The following OPCML variants were observed in gnomAD, a reference collection of about 807,000 sequenced individuals.
OPCML encodes the protein opioid-binding protein/cell adhesion molecule.
A neutral mutation model predicts 37.8 loss-of-function variants in OPCML; 13 were observed. That is an observed-to-expected ratio of 0.34 (90% CI 0.22 to 0.55). The LOEUF is 0.55. OPCML is among the 20% of genes least tolerant of loss of function. The pLI is 0.91. For synonymous variants in OPCML, 176 were observed against 168.8 expected (o/e 1.04, Z -0.33); for missense variants, 341 against 435.6 (o/e 0.78, Z 1.93).
intron 2 of OPCML, among the ~76,000 whole-genome samples, chr11:132,931,010 T>G (rs1945180497): frequency 6.6e-6 from 1 of 152,118 alleles, no homozygotes; most frequent in Non-Finnish European, 1.5e-5. Flanking sequence ...AAATAAGCCC[T>G]TGAATACATG....
chr11:133,492,287 C>G (rs1365710575), intron 1 of OPCML, among the ~76,000 whole-genome samples: 2 of 152,196 alleles, frequency 1.3e-5, no homozygotes. Context: ...GGATCCATTT[C>G]ACAAACATGT....
rs2095953366 is a variant in OPCML at position 132,420,257 on chromosome 11, G to C, written c.953C>G (p.Ser318Cys). 18 of 1,613,784 alleles carry C rather than the reference G, an allele frequency of 1.1e-5. No homozygotes were observed. Among genetic ancestry groups the C allele is most frequent in the Non-Finnish European group, 1.4e-5 (17 of 1,179,850 alleles). Residue 318 changes from serine (S) to cysteine (C), a missense_variant, in exon 8 of 8, where the codon TCC (serine) becomes TGC (cysteine). Transcript: ENST00000524381. ...TAGCCAGAGACAAGCCAGTGCTCTG[G>C]AGGCCGAGTTTACACCATCAATGAC... ...GAVIDGVNSASRALACLWLSG... is the reference protein window; with the variant it reads ...GAVIDGVNSACRALACLWLSG...
chr11:132,994,200 G>T (rs1315050726), intron 1 of OPCML, among the ~76,000 whole-genome samples: 1 of 152,096 alleles, frequency 6.6e-6, no homozygotes, highest in African/African-American at 2.4e-5. Context: ...GGGAGTCCCC[G>T]CGCCGCAGCG....
intron 2 of OPCML, among the ~76,000 whole-genome samples, chr11:132,797,263 T>C (rs1938380326): frequency 6.6e-6 from 1 of 152,254 alleles, no homozygotes; most frequent in Non-Finnish European, 1.5e-5. Flanking sequence ...CTGTGATCCA[T>C]GTTGGATTAA....
At chr11:133,149,578 CCACCCG>C (rs1189405542) in intron 1 of OPCML, among the ~76,000 whole-genome samples, 1 of 152,186 alleles carries the variant, frequency 6.6e-6, no homozygotes, top group East Asian at 1.9e-4. Context: ...CTCTCAACCC[CCACCCG>C]CACGCTTGAT....
intron 1 of OPCML, among the ~76,000 whole-genome samples, chr11:133,521,196 G>A (rs570607691): frequency 1.3e-5 from 2 of 152,242 alleles, no homozygotes; most frequent in South Asian, 4.2e-4. Context: ...GTCCACTTGC[G>A]AATTAGGCAA....
chr11:133,245,736 G>A (rs1040200892), intron 1 of OPCML, among the ~76,000 whole-genome samples: 1 of 152,134 alleles, frequency 6.6e-6, no homozygotes, highest in South Asian at 2.1e-4. Flanking sequence ...ATTAATGATA[G>A]ACTGGATAAA....
intron 1 of OPCML, among the ~76,000 whole-genome samples, chr11:133,391,824 A>C (rs571516638): frequency 6.6e-6 from 1 of 152,190 alleles, no homozygotes; most frequent in Non-Finnish European, 1.5e-5. Context: ...CATTCCAATC[A>C]ATCTGAGAGT....
chr11:132,825,830 G>T (rs1940287740), intron 2 of OPCML, among the ~76,000 whole-genome samples: 1 of 152,222 alleles, frequency 6.6e-6, no homozygotes, highest in Admixed American at 6.5e-5. Flanking sequence ...TGGGTTGGGA[G>T]TCCTAGAAAC....
At chr11:133,485,584 C>T (rs970331241) in intron 1 of OPCML, among the ~76,000 whole-genome samples, 3 of 152,150 alleles carry the variant, frequency 2.0e-5, no homozygotes, top group Admixed American at 1.3e-4. Flanking sequence ...CATAACATTA[C>T]AAGCAAACTG....
chr11:132,963,510 T>TGGAGGCAGGA (rs1946139727), intron 1 of OPCML, among the ~76,000 whole-genome samples: 1 of 151,304 alleles, frequency 6.6e-6, no homozygotes, highest in Non-Finnish European at 1.5e-5. Flanking sequence ...GAGAATCGCT[T>TGGAGGCAGGA]GAACCCAGGA....
At chr11:133,002,691 T>A (rs1313104355) in intron 1 of OPCML, among the ~76,000 whole-genome samples, 1 of 151,484 alleles carries the variant, frequency 6.6e-6, no homozygotes. Flanking sequence ...ATAGATAATA[T>A]ATGTGTGGGT....
chr11:133,358,177 A>G (rs1944334188), intron 1 of OPCML, among the ~76,000 whole-genome samples: 1 of 152,260 alleles, frequency 6.6e-6, no homozygotes, highest in African/African-American at 2.4e-5. Context: ...GAAAATGTTT[A>G]TCATTTAATC....
intron 1 of OPCML, among the ~76,000 whole-genome samples, chr11:133,401,550 C>A (rs1945406784): frequency 6.6e-6 from 1 of 152,054 alleles, no homozygotes; most frequent in Non-Finnish European, 1.5e-5. Flanking sequence ...ACCACATCTT[C>A]TATTTCTAAA....
chr11:133,331,714 T>G (rs1943623642), intron 1 of OPCML, among the ~76,000 whole-genome samples: 1 of 152,142 alleles, frequency 6.6e-6, no homozygotes, highest in Non-Finnish European at 1.5e-5. Context: ...TATTTGAAAT[T>G]TTAGCATTTG....
At chr11:132,726,940 C>T (rs1944907302) in intron 2 of OPCML, among the ~76,000 whole-genome samples, 2 of 152,134 alleles carry the variant, frequency 1.3e-5, no homozygotes, top group South Asian at 2.1e-4. Context: ...AGTAAAACTC[C>T]GTTTTAATGT....
chr11:132,798,578 C>T (rs1938467518), intron 2 of OPCML, among the ~76,000 whole-genome samples: 1 of 152,210 alleles, frequency 6.6e-6, no homozygotes, highest in Non-Finnish European at 1.5e-5. Context: ...AGTTCTCTTG[C>T]TGTTTCAGCA....
At chr11:132,777,002 C>T (rs1313285693) in intron 2 of OPCML, among the ~76,000 whole-genome samples, 1 of 152,122 alleles carries the variant, frequency 6.6e-6, no homozygotes, top group Non-Finnish European at 1.5e-5. Context: ...AGAGAGTAAT[C>T]TTTAGCTACA....
chr11:133,431,485 C>CG (rs1555157557), intron 1 of OPCML, among the ~76,000 whole-genome samples: 15 of 151,954 alleles, frequency 9.9e-5, no homozygotes, highest in Non-Finnish European at 1.5e-5. Context: ...TTGTTTTCGA[C>CG]GCGGAGTTTT....
Sources: gnomAD v4.1 joint callset for allele counts (sites outside exome capture counted in the v4.1 genomes callset) on GRCh38, gnomAD v4.1.1 for gene constraint, MANE v1.5 for transcripts, NCBI Gene and HGNC (gene_info 2026-07-23, HGNC 2026-07-21) for gene names.